CAMK1D: variants seen among roughly 807,000 people sequenced by gnomAD.
CAMK1D encodes calcium/calmodulin dependent protein kinase ID, also known as calcium/calmodulin-dependent protein kinase type 1D.
A neutral mutation model predicts 47.7 loss-of-function variants in CAMK1D; 9 were observed. The ratio of observed to expected loss-of-function variants is 0.19; its 90% CI spans 0.11 to 0.33. The LOEUF is 0.33. Among genes scored for constraint, CAMK1D ranks in the 10% least tolerant of loss-of-function variants. The pLI, the probability that CAMK1D is intolerant of heterozygous loss-of-function variation, is 1.00. For synonymous variants in CAMK1D, 184 were observed against 184.9 expected, an observed-to-expected ratio of 0.99 and a Z score of 0.04; for missense variants, 291 against 488.7, an observed-to-expected ratio of 0.60 and a Z score of 3.81.
rs932705154 is a variant in CAMK1D, at chr10:12,571,628, G to A, written c.224+18272G>A. Among the ~76,000 whole-genome samples the A allele has an allele frequency of 4.6e-5, 7 of 152,176 alleles. No homozygotes were observed. In the South Asian group the frequency reaches 1.5e-3, roughly 32 times the overall value. On this transcript the variant is annotated intron_variant, in intron 2 of 10. Coordinates refer to ENST00000619168, the MANE Select transcript of CAMK1D (RefSeq NM_153498.4). ...TGCTTCAGAAACCCAGGGTAACCTC[G>A]CTGCCTATTCTGTTCCCCAGTAGCA...
At chr10:12,620,987 C>T (rs1312817286) in intron 2 of CAMK1D, among the ~76,000 whole-genome samples, 1 of 152,194 alleles carries the variant, frequency 6.6e-6, no homozygotes, top group African/African-American at 2.4e-5. Context: ...CTTTTATTGT[C>T]TGTTACTCCA....
chr10:12,548,364 C>A (rs1252537063), intron 1 of CAMK1D, among the ~76,000 whole-genome samples: 1 of 150,640 alleles, frequency 6.6e-6, no homozygotes, highest in Non-Finnish European at 1.5e-5. Flanking sequence ...CAGGCAACAT[C>A]ATTGATTAGA....
At chr10:12,735,472 C>T (rs542107841) in intron 3 of CAMK1D, among the ~76,000 whole-genome samples, 3 of 151,766 alleles carry the variant, frequency 2.0e-5, no homozygotes, top group Admixed American at 6.5e-5. Context: ...AGCGAGACTC[C>T]GTCTCAAAAA....
At chr10:12,602,402 T>C (rs987314341) in intron 2 of CAMK1D, among the ~76,000 whole-genome samples, 1 of 152,118 alleles carries the variant, frequency 6.6e-6, no homozygotes, top group African/African-American at 2.4e-5. Context: ...TCATAGGTGG[T>C]CTACAGATAG....
intron 1 of CAMK1D, among the ~76,000 whole-genome samples, chr10:12,409,297 T>C (rs1247219578): frequency 2.0e-5 from 3 of 151,674 alleles, no homozygotes; most frequent in Non-Finnish European, 4.4e-5. Context: ...CCTACACTCA[T>C]GATTGGGAGA....
At chr10:12,561,279 G>A (rs1042628846) in intron 2 of CAMK1D, among the ~76,000 whole-genome samples, 3 of 152,014 alleles carry the variant, frequency 2.0e-5, no homozygotes, top group Non-Finnish European at 4.4e-5. Context: ...TGGTGGCGGT[G>A]GTGTGCGTGG....
chr10:12,815,515 T>C (rs967812701), intron 7 of CAMK1D, among the ~76,000 whole-genome samples: 1 of 152,220 alleles, frequency 6.6e-6, no homozygotes, highest in African/African-American at 2.4e-5. Flanking sequence ...TGGGAAGTAT[T>C]TTCCTTCTGA....
chr10:12,592,597 T>C (rs9787558), intron 2 of CAMK1D, among the ~76,000 whole-genome samples: 7,413 of 152,268 alleles, frequency 0.049, 471 homozygotes, highest in East Asian at 0.26. Flanking sequence ...CTCAGTTTTA[T>C]GTGAAGGCTC....
At chr10:12,377,754 C>A (rs139289148) in intron 1 of CAMK1D, among the ~76,000 whole-genome samples, 2 of 152,246 alleles carry the variant, frequency 1.3e-5, no homozygotes, top group African/African-American at 4.8e-5. Flanking sequence ...AATTAAAAAT[C>A]TCGAACACCC....
intron 1 of CAMK1D, among the ~76,000 whole-genome samples, chr10:12,470,571 C>T (rs987336266): frequency 6.6e-6 from 1 of 151,330 alleles, no homozygotes; most frequent in Non-Finnish European, 1.5e-5. Context: ...AGGTGGAGTG[C>T]GGTGGCGCGA....
intron 3 of CAMK1D, among the ~76,000 whole-genome samples, chr10:12,724,299 G>T (rs1023168064): frequency 2.6e-5 from 4 of 152,158 alleles, no homozygotes; most frequent in Non-Finnish European, 4.4e-5. Flanking sequence ...CTATCTTTTT[G>T]TCTTGGGCTG....
rs562938020 is a variant in CAMK1D at position 12,408,420 on chromosome 10, G to C, written c.92+58510G>C. ...GATCTCCTGACCTCGTGATCCACCC[G>C]CCTCGGCCTCCCAAAGTGCTGGGAT... On this transcript the variant is annotated intron_variant, in intron 1 of 10. Transcript: ENST00000619168. 1.3e-3 allele frequency among the ~76,000 whole-genome samples: 198 copies of C among 148,744 alleles called. 1 individual carries two copies. The highest frequency in any genetic ancestry group is 4.2e-3 in the African/African-American group (169 of 40,318).
intron 1 of CAMK1D, among the ~76,000 whole-genome samples, chr10:12,448,192 CTTATTT>C (rs1332659941): frequency 1.3e-5 from 2 of 148,620 alleles, no homozygotes; most frequent in East Asian, 2.0e-4. Context: ...TTTATTTTTA[CTTATTT>C]TTATTTATTT....
At chr10:12,820,259 C>T (rs1188078728) in intron 8 of CAMK1D, among the ~76,000 whole-genome samples, 1 of 152,166 alleles carries the variant, frequency 6.6e-6, no homozygotes, top group Admixed American at 6.5e-5. Context: ...AGGATGGTCT[C>T]GATCTCCTAA....
intron 5 of CAMK1D, among the ~76,000 whole-genome samples, chr10:12,776,644 A>G (rs1837257933): frequency 6.6e-6 from 1 of 152,176 alleles, no homozygotes; most frequent in Non-Finnish European, 1.5e-5. Context: ...TTATTGAATC[A>G]TTAACATCGA....
At chr10:12,827,222 TC>T (rs1307206601) in intron 10 of CAMK1D, among the ~76,000 whole-genome samples, 6 of 149,440 alleles carry the variant, frequency 4.0e-5, no homozygotes, top group African/African-American at 1.5e-4. Context: ...TTCCTTTCCT[TC>T]CTTCTTTCCT....
At chr10:12,444,855 C>T (rs1190566019) in intron 1 of CAMK1D, among the ~76,000 whole-genome samples, 1 of 152,154 alleles carries the variant, frequency 6.6e-6, no homozygotes, top group Non-Finnish European at 1.5e-5. Flanking sequence ...AGGTAACAGG[C>T]TTCAGAGAGA....
At chr10:12,685,786 G>A (rs1300330930) in intron 3 of CAMK1D, among the ~76,000 whole-genome samples, 1 of 152,194 alleles carries the variant, frequency 6.6e-6, no homozygotes, top group South Asian at 2.1e-4. Context: ...AAGGACTGGC[G>A]AGCGCCTAGA....
At chr10:12,449,545 C>T (rs1393821337) in intron 1 of CAMK1D, among the ~76,000 whole-genome samples, 1 of 140,036 alleles carries the variant, frequency 7.1e-6, no homozygotes, top group Non-Finnish European at 1.6e-5. Context: ...TTAGCTTGAT[C>T]ATGGTGATCA....
Sources: gnomAD v4.1 joint callset for allele counts (sites outside exome capture counted in the v4.1 genomes callset) on GRCh38, gnomAD v4.1.1 for gene constraint, MANE v1.5 for transcripts, NCBI Gene and HGNC (gene_info 2026-07-23, HGNC 2026-07-21) for gene names.